The following CCDC158 variants were observed in gnomAD, a reference collection of about 807,000 sequenced individuals.
CCDC158 encodes the protein coiled-coil domain containing 158, also known as coiled-coil domain-containing protein 158.
Under a neutral mutation model 138.6 loss-of-function variants are expected in CCDC158, and 116 were observed. The observed-to-expected ratio is 0.84, with a 90% confidence interval of 0.72 to 0.98. The LOEUF (loss-of-function observed/expected upper bound fraction) is 0.98, where lower values mean the gene tolerates loss of function less well. Among genes scored for constraint, CCDC158 ranks in the 50% least tolerant of loss-of-function variants. The pLI is 0.00. For synonymous variants in CCDC158, 436 were observed against 442.4 expected (o/e 0.99, Z 0.18); for missense variants, 1,265 against 1,306.1 (o/e 0.97, Z 0.48).
chr4:76,408,327 C>T (rs1729005235), intron 2 of CCDC158, among the ~76,000 whole-genome samples: 1 of 151,896 alleles, frequency 6.6e-6, no homozygotes, highest in Admixed American at 6.6e-5. Flanking sequence ...CTAATGCTAT[C>T]CCTCCCCGCT....
At chr4:76,401,826 G>A (rs1018764639) in intron 3 of CCDC158, among the ~76,000 whole-genome samples, 1 of 152,106 alleles carries the variant, frequency 6.6e-6, no homozygotes, top group African/African-American at 2.4e-5. Context: ...GGGACAACCC[G>A]TGATCTAAGT....
At chr4:76,316,541 G>A (rs1719405236) in intron 24 of CCDC158, among the ~76,000 whole-genome samples, 1 of 152,044 alleles carries the variant, frequency 6.6e-6, no homozygotes, top group African/African-American at 2.4e-5. Flanking sequence ...CTTATTTAAG[G>A]GAACAATTGA....
chr4:76,380,238 G>GAAA (rs1473778113), intron 8 of CCDC158, among the ~76,000 whole-genome samples: 6 of 151,972 alleles, frequency 3.9e-5, no homozygotes, highest in Admixed American at 2.0e-4. Context: ...GGAGGGATCA[G>GAAA]AAGACAGAAA....
At chr4:76,375,133 A>G (rs1195316597) in intron 9 of CCDC158, 1 of 159,462 alleles carries the variant, frequency 6.3e-6, no homozygotes, top group African/African-American at 2.4e-5. Flanking sequence ...TATAAAGAAA[A>G]GCCTTTTAAA....
intron 18 of CCDC158, among the ~76,000 whole-genome samples, chr4:76,348,105 ACAAG>A (rs776367927): frequency 3.9e-5 from 6 of 152,088 alleles, no homozygotes; most frequent in South Asian, 4.2e-4. Flanking sequence ...GAAGGGGCAA[ACAAG>A]CTCTCTCAAG....
At position 76,369,625 on chromosome 4, in the gene CCDC158, TA is replaced by T; in HGVS notation, c.1150-3del. The T allele has an allele frequency of 1.2e-6, 2 of 1,611,172 alleles. No homozygotes were observed. Among genetic ancestry groups the T allele is most frequent in the South Asian group, 1.1e-5 (1 of 90,814 alleles). On this transcript the variant is annotated splice_region_variant and splice_polypyrimidine_tract_variant and intron_variant, in intron 10 of 24. Transcript: ENST00000682701. ...CTTCTCCCTTTTGTGTAGATCAGCC[TA>T]AAAAAAGAGAGGAATGCTTTTTTCC...
intron 9 of CCDC158, among the ~76,000 whole-genome samples, chr4:76,375,910 T>C (rs2110275312): frequency 6.6e-6 from 1 of 152,362 alleles, no homozygotes; most frequent in East Asian, 1.9e-4. Context: ...TGTTTAGACC[T>C]GTCATGTCAT....
At chr4:76,368,147 G>A (rs1724876630) in intron 11 of CCDC158, among the ~76,000 whole-genome samples, 1 of 152,058 alleles carries the variant, frequency 6.6e-6, no homozygotes, top group African/African-American at 2.4e-5. Context: ...AAATAATAAC[G>A]CTCCTCCACA....
Position 76,357,362 on chromosome 4 carries a change from A to G in CCDC158, c.2173+12T>C. 6.8e-7 allele frequency: 1 copy of G among 1,480,804 alleles called. No homozygotes were observed. Among genetic ancestry groups the G allele is most frequent in the South Asian group, 1.5e-5 (1 of 66,518 alleles). The allele number at this position is 1,480,804 out of a possible 1,614,324, so 91.7% of individuals were successfully genotyped here. On this transcript the variant is annotated intron_variant, in intron 14 of 24. Transcript: ENST00000682701. ...AAACAGAAGAAAAAATTTTAAATCT[A>G]ACAGAGCATACCATGACCATCAGAT...
At chr4:76,321,389 A>G (rs2110074417) in intron 24 of CCDC158, among the ~76,000 whole-genome samples, 1 of 152,186 alleles carries the variant, frequency 6.6e-6, no homozygotes, top group South Asian at 2.1e-4. Flanking sequence ...TAGAACTACC[A>G]TTTGATGCAG....
chr4:76,399,482 T>A (rs10014654), intron 3 of CCDC158, among the ~76,000 whole-genome samples: 4,463 of 152,098 alleles, frequency 0.029, 220 homozygotes, highest in African/African-American at 0.1. Flanking sequence ...AAATTAAATT[T>A]AAAAATAAAT....
At chr4:76,329,933 G>T (rs1231651325) in intron 21 of CCDC158, among the ~76,000 whole-genome samples, 2 of 152,132 alleles carry the variant, frequency 1.3e-5, no homozygotes, top group Non-Finnish European at 2.9e-5. Flanking sequence ...TCTTAACCCA[G>T]TTACTGAAAT....
intron 4 of CCDC158, among the ~76,000 whole-genome samples, chr4:76,393,557 C>T (rs1413462096): frequency 6.6e-6 from 1 of 151,940 alleles, no homozygotes; most frequent in Non-Finnish European, 1.5e-5. Flanking sequence ...GTCAACTTCT[C>T]AGGCACTGAT....
At chr4:76,363,075 G>A (rs916009170) in intron 12 of CCDC158, among the ~76,000 whole-genome samples, 15 of 152,194 alleles carry the variant, frequency 9.9e-5, no homozygotes, top group African/African-American at 3.4e-4. Flanking sequence ...ACCCTAATAA[G>A]AGTGGCTCAG....
At chr4:76,375,500 C>T (rs1355294664) in intron 9 of CCDC158, 2 of 694,262 alleles carry the variant, frequency 2.9e-6, no homozygotes, top group African/African-American at 1.8e-5. Context: ...GTATATAGCT[C>T]CAGCCAGTGC....
intron 12 of CCDC158, among the ~76,000 whole-genome samples, chr4:76,362,627 A>G (rs1724259523): frequency 6.6e-6 from 1 of 152,160 alleles, no homozygotes; most frequent in East Asian, 1.9e-4. Flanking sequence ...CATTCACTCA[A>G]AAAATACATA....
At chr4:76,351,573 CA>C (rs1478489883) in intron 17 of CCDC158, 146 bp downstream of exon 17, 8 of 611,622 alleles carry the variant, frequency 1.3e-5, no homozygotes, top group African/African-American at 7.4e-5. Flanking sequence ...TAGTATATAA[CA>C]ATGTACACAT....
intron 3 of CCDC158, among the ~76,000 whole-genome samples, chr4:76,400,952 GA>G (rs1459820476): frequency 6.6e-6 from 1 of 152,154 alleles, no homozygotes; most frequent in African/African-American, 2.4e-5. Context: ...TAATTTTGGA[GA>G]AAATGGCAGA....
chr4:76,385,748 A>T (rs1264655712), intron 4 of CCDC158, among the ~76,000 whole-genome samples: 1 of 152,222 alleles, frequency 6.6e-6, no homozygotes, highest in African/African-American at 2.4e-5. Context: ...AAAGGCACAC[A>T]TCTACAGACG....
Sources: gnomAD v4.1 joint callset for allele counts (sites outside exome capture counted in the v4.1 genomes callset) on GRCh38, gnomAD v4.1.1 for gene constraint, MANE v1.5 for transcripts, NCBI Gene and HGNC (gene_info 2026-07-23, HGNC 2026-07-21) for gene names.